CHN2: variants seen among roughly 807,000 people sequenced by gnomAD.
CHN2 encodes beta-chimaerin.
A neutral mutation model predicts 56.3 loss-of-function variants in CHN2; 35 were observed. That is an observed-to-expected ratio of 0.62 (90% CI 0.47 to 0.82). The LOEUF (loss-of-function observed/expected upper bound fraction) is 0.82, where lower values mean the gene tolerates loss of function less well. CHN2 is among the 40% of genes least tolerant of loss of function. CHN2 has a pLI of 0.00. For missense variants in CHN2, 491 were observed against 580.5 expected (o/e 0.85, Z 1.58); for synonymous variants, 210 against 212.8 (o/e 0.99, Z 0.12).
At chr7:29,400,248 C>T (rs965423262) in intron 5 of CHN2, 9 of 422,018 alleles carry the variant, frequency 2.1e-5, no homozygotes, top group Middle Eastern at 6.4e-4. Flanking sequence ...TAGGATCAAA[C>T]GACTCCATGT....
chr7:29,323,711 G>T (rs1196406860), intron 1 of CHN2, among the ~76,000 whole-genome samples: 1 of 152,052 alleles, frequency 6.6e-6, no homozygotes, highest in Non-Finnish European at 1.5e-5. Flanking sequence ...ATTATAGGGG[G>T]TTGAGGCTGG....
chr7:29,367,952 G>A lies in CHN2; in HGVS notation c.109G>A (p.Ala37Thr). Residue 37 changes from alanine (A) to threonine (T), a missense_variant, in exon 3 of 13, where the codon GCA becomes ACA. Transcript: ENST00000222792. ...KSYLYQLQQE[A>T]PRPKRIICPR... ...GGCAGTATATCAGTTACAGCAAGAGGCACCTCGTCCCAAGAGAATCATTTG... is the reference window on the plus strand; with the variant it reads ...GGCAGTATATCAGTTACAGCAAGAGACACCTCGTCCCAAGAGAATCATTTG... The A allele has an allele frequency of 1.2e-6, 2 of 1,610,928 alleles. No individual in the cohort carries two copies. The highest frequency in any genetic ancestry group is 8.5e-7 in the Non-Finnish European group (1 of 1,178,710).
intron 1 of CHN2, among the ~76,000 whole-genome samples, chr7:29,311,858 TAAGC>T (rs1397506341): frequency 6.6e-6 from 1 of 152,174 alleles, no homozygotes; most frequent in Non-Finnish European, 1.5e-5. Context: ...CTGAAATAAA[TAAGC>T]AAGAAAACAG....
intron 2 of CHN2, among the ~76,000 whole-genome samples, chr7:29,355,969 A>G (rs560534552): frequency 2.0e-5 from 3 of 151,620 alleles, no homozygotes; most frequent in African/African-American, 7.3e-5. Flanking sequence ...TTTTTATTAG[A>G]GATGGGTTTT....
chr7:29,333,595 C>T (rs936182343), intron 1 of CHN2, among the ~76,000 whole-genome samples: 5 of 152,168 alleles, frequency 3.3e-5, no homozygotes, highest in African/African-American at 1.2e-4. Context: ...GAACATAATG[C>T]GCTAGCAGAC....
intron 6 of CHN2, among the ~76,000 whole-genome samples, chr7:29,469,646 C>G (rs1315152621): frequency 1.3e-5 from 2 of 152,196 alleles, no homozygotes; most frequent in African/African-American, 4.8e-5. Context: ...CGTATTTGCC[C>G]AAATTTCCAA....
Position 29,400,741 on chromosome 7 carries a change from AG to A in CHN2, c.490del (p.Glu164LysfsTer7), listed in dbSNP as rs759289274. The A allele has an allele frequency of 1.2e-6, 2 of 1,614,206 alleles. No homozygotes were observed. Among genetic ancestry groups the A allele is most frequent in the Non-Finnish European group, 1.7e-6 (2 of 1,180,040 alleles). On this transcript the variant is annotated frameshift_variant, in exon 6 of 13. Transcript: ENST00000222792. LOFTEE classifies it high-confidence loss of function. The stretch of plus-strand genomic sequence containing the variant: ...ACATTGGATATGCCACCCTACTCAG[AG>A]AAAAAGTATCCAGAAGGCTGAGCAG... Reference protein sequence around the residue: ...EHIGYATLLREKVSRRLSRSK... With the variant: ...EHIGYATLLRXKVSRRLSRSK...
intron 1 of CHN2, among the ~76,000 whole-genome samples, chr7:29,331,094 AG>A (rs998816785): frequency 4.5e-4 from 69 of 152,324 alleles, no homozygotes; most frequent in African/African-American, 1.6e-3. Context: ...GTTTATAAAA[AG>A]CAAGTCAGAT....
chr7:29,391,337 GAGGA>G (rs1801347338), intron 3 of CHN2, among the ~76,000 whole-genome samples: 1 of 134,578 alleles, frequency 7.4e-6, no homozygotes, highest in Admixed American at 7.8e-5. Context: ...GGGAAGGGAA[GAGGA>G]AGGGAGGGGA....
chr7:29,233,825 ATTTTTTTTTTT>A (rs1175429614), intron 1 of CHN2, among the ~76,000 whole-genome samples: 2 of 53,178 alleles, frequency 3.8e-5, no homozygotes, highest in African/African-American at 6.9e-5. Flanking sequence ...CAACACCTTG[ATTTTTTTTTTT>A]TTTTTTTTTT....
intron 2 of CHN2, among the ~76,000 whole-genome samples, chr7:29,361,784 A>G (rs948655405): frequency 6.6e-5 from 10 of 152,158 alleles, no homozygotes; most frequent in African/African-American, 1.9e-4. Flanking sequence ...TAGCATCTCA[A>G]TCTCTCAGCC....
intron 1 of CHN2, among the ~76,000 whole-genome samples, chr7:29,280,196 C>T (rs905557246): frequency 2.0e-5 from 3 of 151,998 alleles, no homozygotes; most frequent in Non-Finnish European, 4.4e-5. Flanking sequence ...CCAGCCTGGC[C>T]AACATGGCGA....
At position 29,355,772 on chromosome 7, in the gene CHN2, ATTTTTTTTTTTT is replaced by A. The variant is rs1167339692; in HGVS notation, c.88+1127_88+1138del. 1.8e-3 allele frequency among the ~76,000 whole-genome samples: 94 copies of A among 52,376 alleles called. 4 individuals are homozygous for A. Among genetic ancestry groups the A allele is most frequent in the African/African-American group, 3.0e-4 (4 of 13,270 alleles). 34.4% of individuals were successfully genotyped at this position (52,376 alleles called of 152,430 possible). A position where few individuals can be genotyped will look rare whatever the true frequency, so the allele number is the denominator to read the frequency against. The stretch of plus-strand genomic sequence containing the variant: ...TACCACAACTCTCACAGATGGGACT[ATTTTTTTTTTTT>A]TTTTTTTTTTTTTTTTTGAGACAGG... On this transcript the variant is annotated intron_variant, in intron 2 of 12. Coordinates refer to ENST00000222792, the MANE Select transcript of CHN2 (RefSeq NM_004067.4).
chr7:29,260,173 C>T (rs1789419191), intron 1 of CHN2, among the ~76,000 whole-genome samples: 1 of 152,040 alleles, frequency 6.6e-6, no homozygotes, highest in Non-Finnish European at 1.5e-5. Flanking sequence ...GACGGGGTTT[C>T]ACCATGTTGG....
At chr7:29,498,307 G>A (rs1789519299) in intron 8 of CHN2, among the ~76,000 whole-genome samples, 1 of 152,224 alleles carries the variant, frequency 6.6e-6, no homozygotes, top group South Asian at 2.1e-4. Context: ...TTCTATAGAA[G>A]AGGATTCAAC....
intron 2 of CHN2, among the ~76,000 whole-genome samples, chr7:29,177,596 C>G (rs1362424456): frequency 6.6e-6 from 1 of 151,366 alleles, no homozygotes; most frequent in Non-Finnish European, 1.5e-5. Flanking sequence ...TTCCTCTGTC[C>G]CCTCATTTTT....
intron 1 of CHN2, among the ~76,000 whole-genome samples, chr7:29,270,432 TC>T (rs1790523585): frequency 9.9e-6 from 1 of 101,240 alleles, no homozygotes; most frequent in Admixed American, 1.1e-4. Context: ...GATGGGTGGA[TC>T]ATTTTGAGGC....
At chr7:29,201,128 T>A (rs1262706587) in intron 1 of CHN2, among the ~76,000 whole-genome samples, 1 of 152,220 alleles carries the variant, frequency 6.6e-6, no homozygotes, top group East Asian at 1.9e-4. Context: ...TGTAAAGTAT[T>A]ATTTTAAATC....
chr7:29,440,580 A>G (rs1378590715), intron 6 of CHN2, among the ~76,000 whole-genome samples: 1 of 150,900 alleles, frequency 6.6e-6, no homozygotes, highest in Non-Finnish European at 1.5e-5. Flanking sequence ...AATCCCAGCT[A>G]CTTGGGACGC....
Sources: allele counts gnomAD v4.1 joint callset (sites outside exome capture counted in the v4.1 genomes callset), GRCh38; gene constraint gnomAD v4.1.1; transcripts MANE v1.5; gene names NCBI Gene and HGNC (gene_info 2026-07-23, HGNC 2026-07-21).